Variants in CECR2 observed in about 807,000 individuals in gnomAD.
CECR2 encodes CECR2 histone acetyl-lysine reader, also known as chromatin remodeling regulator CECR2.
Under a neutral mutation model 154.5 loss-of-function variants are expected in CECR2, and 30 were observed. That is an observed-to-expected ratio of 0.19 (90% CI 0.15 to 0.26). CECR2 has a LOEUF of 0.26. CECR2 is among the 10% of genes least tolerant of loss of function. The pLI, the probability that CECR2 is intolerant of heterozygous loss-of-function variation, is 1.00. For synonymous variants in CECR2, 725 were observed against 683.7 expected, an observed-to-expected ratio of 1.06 and a Z score of -0.94; for missense variants, 1,743 against 1,829.3, an observed-to-expected ratio of 0.95 and a Z score of 0.86.
intron 1 of CECR2, among the ~76,000 whole-genome samples, chr22:17,382,142 G>A (rs567926271): frequency 2.0e-4 from 31 of 151,794 alleles, no homozygotes; most frequent in South Asian, 1.0e-3. Flanking sequence ...CGCCCGCCTT[G>A]GCCTCCCAAA....
At chr22:17,547,691 G>A (rs1397599180) in intron 16 of CECR2, among the ~76,000 whole-genome samples, 1 of 152,206 alleles carries the variant, frequency 6.6e-6, no homozygotes, top group Non-Finnish European at 1.5e-5. Flanking sequence ...TTCTCGTGGA[G>A]CAGAAACCAG....
At position 17,557,759 on chromosome 22, in the gene CECR2, T is replaced by G. The variant is rs2079611177; in HGVS notation, c.*4919T>G. ...AACCATGCAGCCCCTTCCCTTCCCTTCCCTTCCCTTCCTTTCCCTTCCCTA... is the reference window on the plus strand; with the variant it reads ...AACCATGCAGCCCCTTCCCTTCCCTGCCCTTCCCTTCCTTTCCCTTCCCTA... On this transcript the variant is annotated 3_prime_UTR_variant, in exon 19 of 19. Coordinates refer to ENST00000262608, the MANE Select transcript of CECR2 (RefSeq NM_001290047.2). The G allele has an allele frequency of 6.6e-6, 1 of 152,300 alleles. No individual in the cohort carries two copies. The highest frequency in any genetic ancestry group is 2.4e-5 in the African/African-American group (1 of 41,440). 9.4% of individuals were successfully genotyped at this position (152,300 alleles called of 1,614,324 possible). A position where few individuals can be genotyped will look rare whatever the true frequency, so the allele number is the denominator to read the frequency against.
chr22:17,447,033 C>CTGGTTTTTTTTTTT lies in CECR2; in HGVS notation c.127-30554_127-30553insGGTTTTTTTTTTTT, dbSNP rs1339121774. 6.1e-4 allele frequency among the ~76,000 whole-genome samples: 70 copies of CTGGTTTTTTTTTTT among 114,098 alleles called. 1 individual carries two copies. Among genetic ancestry groups the CTGGTTTTTTTTTTT allele is most frequent in the African/African-American group, 2.5e-3 (68 of 26,690 alleles). 74.9% of individuals were successfully genotyped at this position (114,098 alleles called of 152,430 possible). On this transcript the variant is annotated intron_variant, in intron 1 of 18. Transcript: ENST00000262608. The stretch of plus-strand genomic sequence containing the variant: ...GAGTGCTGAGTGGTGCGTTTACAAT[C>CTGGTTTTTTTTTTT]TTTTTTTTTTTTTTTTTTTGAGACA...
intron 1 of CECR2, among the ~76,000 whole-genome samples, chr22:17,373,313 G>T (rs2063082158): frequency 6.6e-6 from 1 of 152,004 alleles, no homozygotes; most frequent in African/African-American, 2.4e-5. Flanking sequence ...CGAATACTTG[G>T]TTCTTAGTTT....
chr22:17,418,414 C>A (rs16982398), intron 1 of CECR2, among the ~76,000 whole-genome samples: 6 of 152,048 alleles, frequency 3.9e-5, no homozygotes, highest in African/African-American at 9.7e-5. Context: ...CTGTCTTTGC[C>A]CGGAACTGTA....
At chr22:17,405,475 T>TACAAAATATAAA (rs1555903841) in intron 1 of CECR2, among the ~76,000 whole-genome samples, 17 of 147,370 alleles carry the variant, frequency 1.2e-4, no homozygotes, top group African/African-American at 4.2e-4. Context: ...TAAAATAAAA[T>TACAAAATATAAA]ATAAAATAAA....
chr22:17,454,253 C>T (rs956888753), intron 1 of CECR2, among the ~76,000 whole-genome samples: 10 of 151,774 alleles, frequency 6.6e-5, no homozygotes, highest in African/African-American at 2.2e-4. Flanking sequence ...GAGCCATGAT[C>T]GCACCACTGC....
intron 1 of CECR2, among the ~76,000 whole-genome samples, chr22:17,431,076 C>T (rs1447503551): frequency 6.6e-6 from 1 of 152,098 alleles, no homozygotes; most frequent in African/African-American, 2.4e-5. Context: ...TTGATCATAA[C>T]CCTGTTCATC....
intron 1 of CECR2, among the ~76,000 whole-genome samples, chr22:17,381,657 C>G (rs1442376007): frequency 6.6e-6 from 1 of 152,124 alleles, no homozygotes; most frequent in Non-Finnish European, 1.5e-5. Flanking sequence ...GGCAGAGTCC[C>G]TGTTGTGCTG....
chr22:17,511,563 G>A (rs2055953447), intron 7 of CECR2, among the ~76,000 whole-genome samples: 1 of 149,436 alleles, frequency 6.7e-6, no homozygotes. Flanking sequence ...GGAGTTTTTT[G>A]CCAGTGATAC....
intron 4 of CECR2, among the ~76,000 whole-genome samples, chr22:17,499,855 T>G (rs1311941920): frequency 6.6e-6 from 1 of 152,192 alleles, no homozygotes; most frequent in Non-Finnish European, 1.5e-5. Context: ...ATCATTTCAC[T>G]GCAGTAACAA....
At chr22:17,413,777 C>T (rs187137147) in intron 1 of CECR2, among the ~76,000 whole-genome samples, 14 of 151,298 alleles carry the variant, frequency 9.3e-5, no homozygotes, top group Admixed American at 6.6e-4. Flanking sequence ...CCCATGTTCA[C>T]GCCATTCTCC....
At chr22:17,360,470 T>A (rs1469564158) in intron 1 of CECR2, among the ~76,000 whole-genome samples, 1 of 151,778 alleles carries the variant, frequency 6.6e-6, no homozygotes, top group Non-Finnish European at 1.5e-5. Context: ...TCAGTTCAGG[T>A]CAGGAGTTCG....
intron 1 of CECR2, among the ~76,000 whole-genome samples, chr22:17,451,001 A>G (rs1906983240): frequency 6.6e-6 from 1 of 152,238 alleles, no homozygotes; most frequent in South Asian, 2.1e-4. Flanking sequence ...CAGCTAGAGT[A>G]ATGAACGTGT....
At chr22:17,430,437 A>G (rs936709731) in intron 1 of CECR2, among the ~76,000 whole-genome samples, 6 of 152,106 alleles carry the variant, frequency 3.9e-5, no homozygotes, top group Non-Finnish European at 8.8e-5. Context: ...ATGCTCTATC[A>G]GCCAATTTAT....
intron 1 of CECR2, among the ~76,000 whole-genome samples, chr22:17,425,186 C>T (rs933019225): frequency 2.0e-5 from 3 of 151,328 alleles, no homozygotes; most frequent in Non-Finnish European, 2.9e-5. Context: ...CTCCTTTTAG[C>T]GTCCAAGTGT....
intron 7 of CECR2, among the ~76,000 whole-genome samples, chr22:17,508,515 C>T (rs1352926884): frequency 6.6e-6 from 1 of 152,056 alleles, no homozygotes; most frequent in Non-Finnish European, 1.5e-5. Context: ...GAGCAATAGG[C>T]TATATATCCT....
At chr22:17,514,211 G>T (rs1360772216) in intron 8 of CECR2, among the ~76,000 whole-genome samples, 1 of 152,196 alleles carries the variant, frequency 6.6e-6, no homozygotes, top group Non-Finnish European at 1.5e-5. Flanking sequence ...TCGGGATGCA[G>T]TGGTTATTTT....
chr22:17,367,461 T>C (rs1184238806), upstream of CECR2, among the ~76,000 whole-genome samples: 10 of 152,048 alleles, frequency 6.6e-5, no homozygotes, highest in African/African-American at 2.2e-4. Flanking sequence ...TCTCGGCTCA[T>C]TGCAATCTCT....
Sources: gnomAD v4.1 joint callset for allele counts (sites outside exome capture counted in the v4.1 genomes callset) on GRCh38, gnomAD v4.1.1 for gene constraint, MANE v1.5 for transcripts, NCBI Gene and HGNC (gene_info 2026-07-23, HGNC 2026-07-21) for gene names.